The following SLC17A6 variants were observed in gnomAD, a reference collection of about 807,000 sequenced individuals.
SLC17A6 encodes the protein solute carrier family 17 member 6.
In SLC17A6, 35 loss-of-function variants were observed where a neutral mutation model predicts 67.1. The observed-to-expected ratio is 0.52, with a 90% confidence interval of 0.40 to 0.69. The LOEUF is 0.69. SLC17A6 is among the 30% of genes least tolerant of loss of function. The probability of loss-of-function intolerance (pLI) is 0.00; values close to 1 mark genes in which losing one functional copy is unlikely to be tolerated. For missense variants in SLC17A6, 588 were observed against 723.9 expected (o/e 0.81, Z 2.15); for synonymous variants, 285 against 252.3 (o/e 1.13, Z -1.23).
intron 3 of SLC17A6, among the ~76,000 whole-genome samples, chr11:22,357,510 C>T (rs748486587): frequency 6.6e-6 from 1 of 152,058 alleles, no homozygotes; most frequent in Non-Finnish European, 1.5e-5. Context: ...AGAGATGGTG[C>T]TAATTGTCAT....
chr11:22,347,087 T>A (rs533333126), intron 3 of SLC17A6, among the ~76,000 whole-genome samples: 1 of 152,136 alleles, frequency 6.6e-6, no homozygotes, highest in African/African-American at 2.4e-5. Flanking sequence ...ACCTGTCATA[T>A]CAATATTTTA....
intron 6 of SLC17A6, among the ~76,000 whole-genome samples, chr11:22,364,633 T>C (rs1242510580): frequency 1.3e-5 from 2 of 151,984 alleles, no homozygotes; most frequent in Non-Finnish European, 2.9e-5. Context: ...AAACCCTTCT[T>C]GGAGATTGAA....
At chr11:22,349,314 G>A (rs756163430) in intron 3 of SLC17A6, among the ~76,000 whole-genome samples, 8 of 152,034 alleles carry the variant, frequency 5.3e-5, no homozygotes, top group Non-Finnish European at 1.2e-4. Flanking sequence ...TTTCTATCTC[G>A]TGCATCTAGC....
chr11:22,352,810 A>T (rs541233914), intron 3 of SLC17A6, among the ~76,000 whole-genome samples: 141 of 152,358 alleles, frequency 9.3e-4, no homozygotes, highest in Non-Finnish European at 1.5e-3. Context: ...ACACTGAGAC[A>T]GTTATTGATT....
Position 22,341,797 on chromosome 11 carries a change from C to A in SLC17A6, c.339+17C>A. On this transcript the variant is annotated intron_variant, in intron 2 of 11. Transcript: ENST00000263160. ...ATCAAGGAGGTGGGCAACGTCTGGC[C>A]GCCCTGGCTCCTGCCCTTCGGCCAT... 6.2e-7 allele frequency: 1 copy of A among 1,611,912 alleles called. No homozygotes were observed. The highest frequency in any genetic ancestry group is 1.1e-5 in the South Asian group (1 of 90,998).
intron 3 of SLC17A6, among the ~76,000 whole-genome samples, chr11:22,348,178 A>T (rs183627305): frequency 6.6e-6 from 1 of 152,284 alleles, no homozygotes; most frequent in African/African-American, 2.4e-5. Flanking sequence ...ATGGCAAGGT[A>T]CCTTTACAAT....
chr11:22,340,816 T>C (rs1855806406), intron 1 of SLC17A6, among the ~76,000 whole-genome samples: 1 of 151,854 alleles, frequency 6.6e-6, no homozygotes, highest in South Asian at 2.1e-4. Context: ...ACTAGAGCCC[T>C]GGGGCGGGAT....
intron 1 of SLC17A6, among the ~76,000 whole-genome samples, chr11:22,339,207 T>C (rs1855783583): frequency 7.2e-6 from 1 of 139,384 alleles, no homozygotes; most frequent in Non-Finnish European, 1.5e-5. Flanking sequence ...ATATATATGT[T>C]AGAGAGAGAG....
Position 22,368,436 on chromosome 11 carries a change from A to G in SLC17A6, c.892-1603A>G, listed in dbSNP as rs550388634. Among the ~76,000 whole-genome samples the G allele has an allele frequency of 2.0e-5, 3 of 152,200 alleles. No individual in the cohort carries two copies. The East Asian group carries it at 5.8e-4, about 29-fold the overall frequency. On this transcript the variant is annotated intron_variant, in intron 7 of 11. Transcript: ENST00000263160. ...AACAATCAGCTTGCTTAATTTTTAT[A>G]AACTAAACATAAACAGGGAGTTCAA...
chr11:22,377,477 A>G lies in SLC17A6; in HGVS notation c.1486A>G (p.Ile496Val). ...VHYGGVIFYA[I>V]FASGEKQPWA... ...CTATGGTGGAGTTATATTTTATGCA[A>G]TATTTGCCTCAGGAGAGAAACAACC... The change falls in exon 12 of 12, where the codon ATA becomes GTA. Residue 496 changes from isoleucine to valine, a missense_variant. Transcript: ENST00000263160. 1 of 1,614,156 alleles carries G rather than the reference A, an allele frequency of 6.2e-7. No individual in the cohort carries two copies. The highest frequency in any genetic ancestry group is 8.5e-7 in the Non-Finnish European group (1 of 1,180,014).
intron 3 of SLC17A6, among the ~76,000 whole-genome samples, chr11:22,351,691 G>A (rs1039460146): frequency 6.6e-6 from 1 of 151,956 alleles, no homozygotes; most frequent in East Asian, 1.9e-4. Flanking sequence ...TTTAGTGCTG[G>A]GCTAGGTAAA....
At chr11:22,359,602 C>A in intron 4 of SLC17A6, 75 bp downstream of exon 4, 1 of 826,266 alleles carries the variant, frequency 1.2e-6, no homozygotes, top group Admixed American at 3.0e-5. Flanking sequence ...TTGTCTTTAT[C>A]TGTAAATAAA....
In SLC17A6 at chr11:22,344,668, T is replaced by G. The variant is rs1303064477; in HGVS notation, c.458+1303T>G. 2.6e-5 allele frequency among the ~76,000 whole-genome samples: 4 copies of G among 152,180 alleles called. No homozygotes were observed. In the East Asian group the frequency reaches 7.7e-4, roughly 29 times the overall value. Reference sequence around the variant, plus strand: ...AAACAGTCCCTTTAAAAAAATCAATTTATTGTGTATATGTACCACATTTTA... The same window carrying G: ...AAACAGTCCCTTTAAAAAAATCAATGTATTGTGTATATGTACCACATTTTA... On this transcript the variant is annotated intron_variant, in intron 3 of 11. Coordinates refer to ENST00000263160, the MANE Select transcript of SLC17A6 (RefSeq NM_020346.3).
intron 7 of SLC17A6, among the ~76,000 whole-genome samples, chr11:22,369,067 C>T (rs1382192105): frequency 7.8e-6 from 1 of 127,866 alleles, no homozygotes; most frequent in African/African-American, 2.8e-5. Flanking sequence ...TTTGCTTCCT[C>T]TTTCAGTAAT....
chr11:22,371,563 G>T (rs1367545749), intron 8 of SLC17A6, among the ~76,000 whole-genome samples: 1 of 151,460 alleles, frequency 6.6e-6, no homozygotes, highest in East Asian at 1.9e-4. Flanking sequence ...TCATAATCTA[G>T]GACAAATATG....
intron 3 of SLC17A6, among the ~76,000 whole-genome samples, chr11:22,350,466 A>C (rs188181370): frequency 6.6e-6 from 1 of 152,114 alleles, no homozygotes; most frequent in Non-Finnish European, 1.5e-5. Flanking sequence ...CACAAAAAAA[A>C]ACCCAACAAT....
chr11:22,368,918 A>G lies in SLC17A6; in HGVS notation c.892-1121A>G, dbSNP rs141710721. ...TTGTTTCTTTTTTTGTCTTGCATATATTTATGATCACCACATCATAACTTC... is the reference window on the plus strand; with the variant it reads ...TTGTTTCTTTTTTTGTCTTGCATATGTTTATGATCACCACATCATAACTTC... On this transcript the variant is annotated intron_variant, in intron 7 of 11. Transcript: ENST00000263160. Among the ~76,000 whole-genome samples, 27 of 152,102 alleles carry G rather than the reference A, an allele frequency of 1.8e-4. No homozygotes were observed. The East Asian group carries it at 5.2e-3, about 29-fold the overall frequency.
At chr11:22,358,228 C>A (rs1003965650) in intron 3 of SLC17A6, among the ~76,000 whole-genome samples, 3 of 152,142 alleles carry the variant, frequency 2.0e-5, no homozygotes, top group Non-Finnish European at 4.4e-5. Flanking sequence ...GGAGTTAGCA[C>A]GTCCCAAAAC....
At chr11:22,356,265 A>C (rs1855992335) in intron 3 of SLC17A6, among the ~76,000 whole-genome samples, 1 of 152,158 alleles carries the variant, frequency 6.6e-6, no homozygotes. Flanking sequence ...ATATAGTCTC[A>C]CAGATGTTTG....
Sources: gnomAD v4.1 joint callset for allele counts (sites outside exome capture counted in the v4.1 genomes callset) on GRCh38, gnomAD v4.1.1 for gene constraint, MANE v1.5 for transcripts, NCBI Gene and HGNC (gene_info 2026-07-23, HGNC 2026-07-21) for gene names.